STARD5: variants seen among roughly 807,000 people sequenced by gnomAD.
STARD5 encodes StAR related lipid transfer domain containing 5.
STARD5 carries 26 observed loss-of-function variants against 24.6 expected under a neutral mutation model. The observed-to-expected ratio is 1.06, with a 90% CI of 0.77 to 1.47. STARD5 has a LOEUF of 1.47. Among genes scored for constraint, STARD5 ranks in the 40% most tolerant of loss-of-function variants. STARD5 has a pLI of 0.00. For synonymous variants in STARD5, 101 were observed against 99.7 expected (o/e 1.01, Z -0.07); for missense variants, 254 against 270.8 (o/e 0.94, Z 0.44).
intron 5 of STARD5, among the ~76,000 whole-genome samples, chr15:81,315,013 C>T (rs1395169528): frequency 1.3e-5 from 2 of 151,700 alleles, no homozygotes; most frequent in Non-Finnish European, 2.9e-5. Flanking sequence ...CTCCTCTGGG[C>T]TGTGGCTTTT....
intron 3 of STARD5, among the ~76,000 whole-genome samples, chr15:81,320,454 C>T (rs1901173754): frequency 6.6e-6 from 1 of 152,160 alleles, no homozygotes; most frequent in South Asian, 2.1e-4. Context: ...GAACAGGCTG[C>T]ACCTGCACAC....
At position 81,322,672 on chromosome 15, in the gene STARD5, C is replaced by T; in HGVS notation, c.150-132G>A. ...TTAGGACAGACTTGCAGAGAAGGGG[C>T]TGAAAGTCACTAGCCCCGCCTCCCT... is the stretch of plus-strand genomic sequence containing the variant. On this transcript the variant is annotated intron_variant, in intron 2 of 5. Coordinates refer to ENST00000302824, the MANE Select transcript of STARD5 (RefSeq NM_181900.3). The T allele has an allele frequency of 5.6e-6, 8 of 1,437,080 alleles. No individual in the cohort carries two copies. In the South Asian group the frequency reaches 6.5e-5, roughly 12 times the overall value. The allele number at this position is 1,437,080 out of a possible 1,614,324, so 89.0% of individuals were successfully genotyped here. A position where few individuals can be genotyped will look rare whatever the true frequency, so the allele number is the denominator to read the frequency against.
At chr15:81,323,755 C>T in intron 1 of STARD5, 8 of 734,484 alleles carry the variant, frequency 1.1e-5, no homozygotes, top group Non-Finnish European at 1.4e-5. Flanking sequence ...CATTCAACAG[C>T]CAGGTGACCT....
rs1428696918 is a variant in STARD5, at chr15:81,323,985, C to T, written c.99+16G>A. On this transcript the variant is annotated intron_variant, in intron 1 of 5. Transcript: ENST00000302824. The stretch of plus-strand genomic sequence containing the variant: ...AGCCGTCTCCGCGACCCCTTCCCGC[C>T]CAGCTCCTCACTCACGCCTTCCCGG... The T allele has an allele frequency of 2.5e-6, 4 of 1,580,488 alleles. No individual in the cohort carries two copies. Among genetic ancestry groups the T allele is most frequent in the East Asian group, 2.3e-5 (1 of 43,416 alleles).
chr15:81,320,411 C>G (rs139067339), intron 3 of STARD5, among the ~76,000 whole-genome samples: 16 of 152,308 alleles, frequency 1.1e-4, no homozygotes, highest in African/African-American at 3.4e-4. Flanking sequence ...GAAACTACTC[C>G]GTGTTTCCTT....
chr15:81,322,303 C>T (rs1290688124), intron 3 of STARD5, 105 bp downstream of exon 3: 1 of 1,453,540 alleles, frequency 6.9e-7, no homozygotes, highest in African/African-American at 1.4e-5. Context: ...CAGGACACAC[C>T]CCCTTAACAA....
Position 81,319,319 on chromosome 15 carries a change from C to T in STARD5, c.400+20G>A, listed in dbSNP as rs747256359. 1.9e-6 allele frequency: 3 copies of T among 1,594,804 alleles called. No homozygotes were observed. In the African/African-American group the frequency reaches 4.0e-5, roughly 21 times the overall value. On this transcript the variant is annotated intron_variant, in intron 4 of 5. Transcript: ENST00000302824. ...TCGATATCGCAGGAAGGCATGGCAG[C>T]TCCTCCGGGCATCACTCACCGTTGG...
rs1900845054 is a variant in STARD5, at chr15:81,311,366, T to C, written c.*1890A>G. The C allele has an allele frequency of 6.6e-6, 1 of 152,246 alleles. No homozygotes were observed. The highest frequency in any genetic ancestry group is 2.4e-5 in the African/African-American group (1 of 41,464). 9.4% of individuals were successfully genotyped at this position (152,246 alleles called of 1,614,324 possible). On this transcript the variant is annotated 3_prime_UTR_variant, in exon 6 of 6. Coordinates refer to ENST00000302824, the MANE Select transcript of STARD5 (RefSeq NM_181900.3). ...ACTGACACTGGTATTCCTGCCTCCA[T>C]ATTTTCTTTAAAAGACAAATCAAAG...
rs1258174193 is a variant in STARD5, at chr15:81,322,937, T to G, written c.111A>C (p.Ser37=). 1 of 1,613,992 alleles carries G rather than the reference T, an allele frequency of 6.2e-7. No individual in the cohort carries two copies. Among genetic ancestry groups the G allele is most frequent in the African/African-American group, 1.3e-5 (1 of 74,934 alleles). The change falls in exon 2 of 6, where the codon TCA becomes TCC. Residue 37 remains serine, a synonymous_variant. Transcript: ENST00000302824. ...ACTCCACAGATGGCCTCCAGGAAAC[T>G]GAAACTCCATTCTGTCAAAAGGCAC... is the stretch of plus-strand genomic sequence containing the variant. ...WKICREGNGV[S]VSWRPSVEFP...
Position 81,310,993 on chromosome 15 carries a change from A to G in STARD5, c.*2263T>C, listed in dbSNP as rs1900824218. The G allele has an allele frequency of 6.6e-6, 1 of 152,250 alleles. No homozygotes were observed. The highest frequency in any genetic ancestry group is 1.5e-5 in the Non-Finnish European group (1 of 68,056). The allele number at this position is 152,250 out of a possible 1,614,324, so 9.4% of individuals were successfully genotyped here. The stretch of plus-strand genomic sequence containing the variant: ...AGGAGACACAACAACTCCTAGGGCC[A>G]CTGAAGATATAACTATTGCCCAGGT... On this transcript the variant is annotated 3_prime_UTR_variant, in exon 6 of 6. Transcript: ENST00000302824.
intron 3 of STARD5, among the ~76,000 whole-genome samples, chr15:81,320,408 C>G (rs1901173011): frequency 6.6e-6 from 1 of 152,186 alleles, no homozygotes. Context: ...CAGGAAACTA[C>G]TCCGTGTTTC....
intron 1 of STARD5, chr15:81,323,763 C>T: frequency 4.1e-6 from 3 of 727,132 alleles, no homozygotes; most frequent in Non-Finnish European, 7.0e-6. Flanking sequence ...AGCCAGGTGA[C>T]CTTGGGCAAG....
chr15:81,324,128 G>A lies in STARD5; in HGVS notation c.-29C>T. ...GTCGGGAGCTGCGCTTAGCTGCGGG[G>A]TCGCGGGTGTTATGAGCGGCGGCGC... On this transcript the variant is annotated 5_prime_UTR_variant, in exon 1 of 6. Coordinates refer to ENST00000302824, the MANE Select transcript of STARD5 (RefSeq NM_181900.3). 7.6e-7 allele frequency: 1 copy of A among 1,318,134 alleles called. No individual in the cohort carries two copies. The highest frequency in any genetic ancestry group is 9.8e-7 in the Non-Finnish European group (1 of 1,025,132). 81.7% of individuals were successfully genotyped at this position (1,318,134 alleles called of 1,614,324 possible).
At chr15:81,319,955 A>C (rs1471638328) in intron 3 of STARD5, among the ~76,000 whole-genome samples, 1 of 152,202 alleles carries the variant, frequency 6.6e-6, no homozygotes, top group East Asian at 1.9e-4. Flanking sequence ...GCACTTGCTC[A>C]GCCTCCTATG....
chr15:81,317,563 A>T (rs1470236017), intron 5 of STARD5, among the ~76,000 whole-genome samples: 2 of 152,154 alleles, frequency 1.3e-5, no homozygotes, highest in Non-Finnish European at 2.9e-5. Context: ...TCTTCACATG[A>T]TGTCTGAAAA....
Position 81,322,365 on chromosome 15 carries a change from G to C in STARD5, c.282+43C>G, listed in dbSNP as rs754685543. 3.7e-6 allele frequency: 6 copies of C among 1,612,988 alleles called. No homozygotes were observed. The South Asian group carries it at 6.6e-5, about 18-fold the overall frequency. On this transcript the variant is annotated intron_variant, in intron 3 of 5. Coordinates refer to ENST00000302824, the MANE Select transcript of STARD5 (RefSeq NM_181900.3). ...AAATGGGAGGGGGTTACTATAGCCTGGCCCAGACACTATCTAGAGATAACA... is the reference window on the plus strand; with the variant it reads ...AAATGGGAGGGGGTTACTATAGCCTCGCCCAGACACTATCTAGAGATAACA...
At chr15:81,317,361 G>A (rs964340858) in intron 5 of STARD5, among the ~76,000 whole-genome samples, 1 of 152,080 alleles carries the variant, frequency 6.6e-6, no homozygotes, top group African/African-American at 2.4e-5. Flanking sequence ...TGTCAGACCC[G>A]GCACCACTGA....
At position 81,311,924 on chromosome 15, in the gene STARD5, T is replaced by C. The variant is rs1041074090; in HGVS notation, c.*1332A>G. 1.3e-5 allele frequency: 2 copies of C among 152,212 alleles called. No individual in the cohort carries two copies. The highest frequency in any genetic ancestry group is 2.9e-5 in the Non-Finnish European group (2 of 68,038). 9.4% of individuals were successfully genotyped at this position (152,212 alleles called of 1,614,324 possible). ...CACTGAGCTGTCATGTTTTAAAGCT[T>C]GCTCACATCTTGGCACATTTAAGAG... On this transcript the variant is annotated 3_prime_UTR_variant, in exon 6 of 6. Coordinates refer to ENST00000302824, the MANE Select transcript of STARD5 (RefSeq NM_181900.3).
intron 4 of STARD5, among the ~76,000 whole-genome samples, chr15:81,318,740 TCACA>T (rs1342053757): frequency 6.6e-6 from 1 of 152,034 alleles, no homozygotes; most frequent in Non-Finnish European, 1.5e-5. Flanking sequence ...ACACTTGCAC[TCACA>T]CACACTCACT....
Sources: gnomAD v4.1 joint callset for allele counts (sites outside exome capture counted in the v4.1 genomes callset) on GRCh38, gnomAD v4.1.1 for gene constraint, MANE v1.5 for transcripts, NCBI Gene and HGNC (gene_info 2026-07-23, HGNC 2026-07-21) for gene names.